AP3S2: variants seen among roughly 807,000 people sequenced by gnomAD.
AP3S2 encodes adaptor related protein complex 3 subunit sigma 2.
AP3S2 carries 22 observed loss-of-function variants against 23.4 expected under a neutral mutation model. That is an observed-to-expected ratio of 0.94 (90% CI 0.67 to 1.34). The LOEUF (loss-of-function observed/expected upper bound fraction) is 1.34. AP3S2 is among the 40% of genes most tolerant of loss of function. AP3S2 has a pLI of 0.00. For synonymous variants in AP3S2, 86 were observed against 87.1 expected (o/e 0.99, Z 0.07); for missense variants, 241 against 236.9 (o/e 1.02, Z -0.11).
chr15:89,857,156 C>A (rs747448499), intron 4 of AP3S2, among the ~76,000 whole-genome samples: 1 of 152,050 alleles, frequency 6.6e-6, no homozygotes, highest in Non-Finnish European at 1.5e-5. Context: ...GGGCTGGGCA[C>A]GGTGGAGGAG....
rs575609629 is a variant in AP3S2, at chr15:89,840,166, T to C, written c.346-2444A>G. Reference sequence around the variant, plus strand: ...GACTGCACAACAATGTGGATATACTTAATGCCACAGAACTGTAAGCTTAAA... The same window carrying C: ...GACTGCACAACAATGTGGATATACTCAATGCCACAGAACTGTAAGCTTAAA... On this transcript the variant is annotated intron_variant, in intron 4 of 5. Transcript: ENST00000336418. Among the ~76,000 whole-genome samples, 21 of 152,300 alleles carry C rather than the reference T, an allele frequency of 1.4e-4. 1 individual carries two copies. In the South Asian group the frequency reaches 4.1e-3, roughly 30 times the overall value.
At chr15:89,839,421 C>G (rs1404273271) in intron 4 of AP3S2, among the ~76,000 whole-genome samples, 4 of 152,166 alleles carry the variant, frequency 2.6e-5, no homozygotes, top group Non-Finnish European at 5.9e-5. Context: ...ACGAGGTGTT[C>G]TTACATTTTA....
chr15:89,854,520 G>C (rs1358938379), intron 4 of AP3S2, among the ~76,000 whole-genome samples: 124 of 56,388 alleles, frequency 2.2e-3, no homozygotes, highest in African/African-American at 7.1e-3. Flanking sequence ...GGAGGGAGGT[G>C]GGGGGGGTCA....
At chr15:89,888,661 C>A in intron 2 of AP3S2, 29 bp from the exon 3 acceptor site, 1 of 1,600,134 alleles carries the variant, frequency 6.2e-7, no homozygotes, top group Non-Finnish European at 8.6e-7. Context: ...ATTTAAATGC[C>A]CACAGCTTAA....
In AP3S2 at chr15:89,831,531, C is replaced by A. The variant is rs1257939768; in HGVS notation, c.*3984G>T. On this transcript the variant is annotated 3_prime_UTR_variant, in exon 6 of 6. Transcript: ENST00000336418. ...ACCCATGTACCAATCATTGCTGCAT[C>A]CTATTTGGAAAGCAATGGACAGACA... The A allele has an allele frequency of 6.6e-6, 1 of 152,264 alleles. No individual in the cohort carries two copies. The highest frequency in any genetic ancestry group is 2.4e-5 in the African/African-American group (1 of 41,454). 9.4% of individuals were successfully genotyped at this position (152,264 alleles called of 1,614,324 possible).
Position 89,837,518 on chromosome 15 carries a change from A to C in AP3S2, c.453+97T>G, listed in dbSNP as rs1895222347. ...GAAAGAAGATGAGTATCATTTCCCG[A>C]GGTTTCACAGCAACACAAACCAACA... On this transcript the variant is annotated intron_variant, in intron 5 of 5. Transcript: ENST00000336418. The C allele has an allele frequency of 1.2e-5, 16 of 1,372,936 alleles. No individual in the cohort carries two copies. The South Asian group carries it at 1.9e-4, about 16-fold the overall frequency. 85.0% of individuals were successfully genotyped at this position (1,372,936 alleles called of 1,614,324 possible).
At chr15:89,860,335 T>C (rs1895983798) in intron 4 of AP3S2, among the ~76,000 whole-genome samples, 1 of 152,182 alleles carries the variant, frequency 6.6e-6, no homozygotes, top group East Asian at 1.9e-4. Context: ...GCCAGCATCA[T>C]TACTCTTGCA....
chr15:89,882,954 C>T (rs750487848), intron 3 of AP3S2, among the ~76,000 whole-genome samples: 9 of 152,174 alleles, frequency 5.9e-5, no homozygotes, highest in African/African-American at 1.4e-4. Flanking sequence ...TGCTCACCAC[C>T]TTTGGGACTA....
At chr15:89,881,789 A>G (rs938706704) in intron 3 of AP3S2, among the ~76,000 whole-genome samples, 6 of 152,068 alleles carry the variant, frequency 3.9e-5, no homozygotes, top group Non-Finnish European at 5.9e-5. Context: ...AAACTTATAT[A>G]GTACTAGAGG....
At chr15:89,863,400 G>C (rs1421100032) in intron 4 of AP3S2, among the ~76,000 whole-genome samples, 1 of 152,140 alleles carries the variant, frequency 6.6e-6, no homozygotes, top group Admixed American at 6.5e-5. Flanking sequence ...ATTCTGTGTA[G>C]ACACAGAAGA....
At chr15:89,840,148 C>T (rs944306171) in intron 4 of AP3S2, among the ~76,000 whole-genome samples, 1 of 151,988 alleles carries the variant, frequency 6.6e-6, no homozygotes, top group Admixed American at 6.6e-5. Flanking sequence ...GGCGACTGCA[C>T]AACAATGTGG....
At position 89,853,490 on chromosome 15, in the gene AP3S2, T is replaced by A. The variant is rs992256944; in HGVS notation, c.346-15768A>T. 1.6e-4 allele frequency among the ~76,000 whole-genome samples: 25 copies of A among 152,328 alleles called. No homozygotes were observed. The East Asian group carries it at 4.2e-3, about 26-fold the overall frequency. On this transcript the variant is annotated intron_variant, in intron 4 of 5. Coordinates refer to ENST00000336418, the MANE Select transcript of AP3S2 (RefSeq NM_005829.5). ...TTTGAGATGTTAAAATTATAAATGG[T>A]ACCCAAAAAGTGAGTCTAAAGAATC...
chr15:89,856,410 A>G (rs1041371458), intron 4 of AP3S2, among the ~76,000 whole-genome samples: 1 of 152,152 alleles, frequency 6.6e-6, no homozygotes, highest in Non-Finnish European at 1.5e-5. Flanking sequence ...TAAAAAATAC[A>G]AAAATTAGGG....
At chr15:89,865,615 C>G (rs2118847) in intron 4 of AP3S2, 109,174 of 152,128 alleles carry the variant, frequency 0.72, 39,393 homozygotes, top group East Asian at 0.8. Flanking sequence ...AGTGCTGCAG[C>G]CCTGCTGGTG....
intron 1 of AP3S2, among the ~76,000 whole-genome samples, chr15:89,892,671 T>TGC (rs1567190884): frequency 2.3e-5 from 1 of 43,264 alleles, no homozygotes; most frequent in Non-Finnish European, 4.5e-5. Context: ...TATACTTTTT[T>TGC]GTGTGTGTGT....
At chr15:89,850,044 A>C (rs1895607485) in intron 4 of AP3S2, among the ~76,000 whole-genome samples, 1 of 152,080 alleles carries the variant, frequency 6.6e-6, no homozygotes, top group Non-Finnish European at 1.5e-5. Context: ...TTTCATGGTA[A>C]ATTGTATTTT....
Position 89,889,086 on chromosome 15 carries a change from G to C in AP3S2, c.124C>G (p.Arg42Gly). 6.2e-7 allele frequency: 1 copy of C among 1,614,142 alleles called. No homozygotes were observed. Among genetic ancestry groups the C allele is most frequent in the South Asian group, 1.1e-5 (1 of 91,086 alleles). Reference protein sequence around the residue: ...VRETFHLVLKRDDNICNFLEG... With the variant: ...VRETFHLVLKGDDNICNFLEG... ...AAGAAGTTACAGATGTTGTCATCCC[G>C]CTTGAGGACTAGATGGAAAGTCTCT... The change falls in exon 2 of 6, where the codon CGG (arginine) becomes GGG (glycine). Residue 42 changes from arginine (R) to glycine (G), a missense_variant. Arg to Gly is a moderately radical substitution (Grantham distance 125, BLOSUM62 -2). Transcript: ENST00000336418.
At chr15:89,870,807 G>A (rs913167323) in intron 4 of AP3S2, among the ~76,000 whole-genome samples, 3 of 152,182 alleles carry the variant, frequency 2.0e-5, no homozygotes, top group Non-Finnish European at 4.4e-5. Flanking sequence ...CCAGTAAACT[G>A]CACAGGGGAC....
intron 3 of AP3S2, chr15:89,878,380 A>C (rs1273816866): frequency 1.7e-6 from 1 of 577,322 alleles, no homozygotes; most frequent in African/African-American, 1.9e-5. Context: ...GCATACAATT[A>C]GGAAAAAATC....
Sources: gnomAD v4.1 joint callset for allele counts (sites outside exome capture counted in the v4.1 genomes callset) on GRCh38, gnomAD v4.1.1 for gene constraint, MANE v1.5 for transcripts, NCBI Gene and HGNC (gene_info 2026-07-23, HGNC 2026-07-21) for gene names.